The following RABL2B variants were observed in gnomAD, a reference collection of about 807,000 sequenced individuals.
RABL2B encodes the protein RAB, member of RAS oncogene family like 2B.
Under a neutral mutation model 26.7 loss-of-function variants are expected in RABL2B, and 17 were observed. That is an observed-to-expected ratio of 0.64 (90% CI 0.44 to 0.95). The LOEUF (loss-of-function observed/expected upper bound fraction) is 0.95, where lower values mean the gene tolerates loss of function less well. RABL2B is among the 40% of genes least tolerant of loss of function. The pLI, the probability that RABL2B is intolerant of heterozygous loss-of-function variation, is 0.00. For synonymous variants in RABL2B, 70 were observed against 103.9 expected (o/e 0.67, Z 1.99); for missense variants, 170 against 277.2 (o/e 0.61, Z 2.75).
chr22:50,775,996 C>G (rs1177003442), intron 4 of RABL2B, 145 bp from the exon 5 acceptor site: 18 of 909,578 alleles, frequency 2.0e-5, no homozygotes, highest in Non-Finnish European at 3.2e-5. Flanking sequence ...TACAGCCCCA[C>G]ACGTGTGTCT....
intron 5 of RABL2B, chr22:50,772,605 G>A: frequency 9.9e-7 from 1 of 1,008,182 alleles, no homozygotes; most frequent in Non-Finnish European, 1.2e-6. Context: ...TCAGGGCTAG[G>A]GGCTCGCCCT....
chr22:50,776,719 C>T lies in RABL2B; in HGVS notation c.168G>A (p.Leu56=), dbSNP rs1198973205. The change falls in exon 4 of 9, where the codon CTG becomes CTA. Residue 56 remains leucine, a synonymous_variant. Transcript: ENST00000691320. ...CCGTGGCTGTGTGCTTGTACAGGGT[C>T]AGGGCGTACGTGGACAGCTGCTGTG... ...FQPQQLSTYA[L]TLYKHTATVD... is the part of the protein sequence containing the mutation. 3.7e-6 allele frequency: 6 copies of T among 1,611,464 alleles called. No homozygotes were observed. The highest frequency in any genetic ancestry group is 1.6e-4 in the Middle Eastern group (1 of 6,076).
chr22:50,780,767 G>A (rs1555928171), intron 2 of RABL2B: 1 of 470,342 alleles, frequency 2.1e-6, no homozygotes. Flanking sequence ...TTAACTACTT[G>A]GATTCTTATT....
chr22:50,774,175 G>A lies in RABL2B; in HGVS notation c.297+1597C>T, dbSNP rs555213822. 4.6e-5 allele frequency among the ~76,000 whole-genome samples: 7 copies of A among 152,278 alleles called. No homozygotes were observed. In the East Asian group the frequency reaches 1.4e-3, roughly 29 times the overall value. On this transcript the variant is annotated intron_variant, in intron 5 of 8. Coordinates refer to ENST00000691320, the MANE Select transcript of RABL2B (RefSeq NM_001130919.3). ...CTCCCAAAGTGCTGGGATTACAGGCGTGAGCCACCGCGCCCGGCCCGTGGC... is the reference window on the plus strand; with the variant it reads ...CTCCCAAAGTGCTGGGATTACAGGCATGAGCCACCGCGCCCGGCCCGTGGC...
intron 5 of RABL2B, chr22:50,772,914 T>C: frequency 8.3e-7 from 1 of 1,204,642 alleles, no homozygotes; most frequent in Non-Finnish European, 1.1e-6. Flanking sequence ...GGTCGAGCCC[T>C]GGTTCCGTCT....
At chr22:50,777,845 A>G (rs2085220146) in intron 3 of RABL2B, 107 bp downstream of exon 3, 1 of 1,576,442 alleles carries the variant, frequency 6.3e-7, no homozygotes, top group African/African-American at 1.4e-5. Context: ...CACTTACCCA[A>G]TCCTCCTTCC....
Position 50,769,549 on chromosome 22 carries a change from T to C in RABL2B, c.413A>G (p.Asp138Gly). The C allele has an allele frequency of 6.2e-7, 1 of 1,611,460 alleles. No homozygotes were observed. Among genetic ancestry groups the C allele is most frequent in the Admixed American group, 1.7e-5 (1 of 59,908 alleles). The change falls in exon 7 of 9, where the codon GAC becomes GGC. Residue 138 changes from aspartate to glycine, a missense_variant. Physicochemically the swap from Asp to Gly is moderately conservative, Grantham distance 94 (BLOSUM62 -1). Around this residue, in one of 2 missense-constraint regions of RABL2B, gnomAD observed 165 missense variants for 232.0 expected, o/e 0.71. Transcript: ENST00000691320. Reference sequence around the variant, plus strand: ...GAAGCTTTTTTGGGTCACGTTTATGTCTGCTGTAGAGAGAAGGTAGGACAT... The same window carrying C: ...GAAGCTTTTTTGGGTCACGTTTATGCCTGCTGTAGAGAGAAGGTAGGACAT... The part of the protein sequence containing the change: ...CIVVANKIDA[D>G]INVTQKSFNF...
At chr22:50,778,029 C>G (rs566640457) in intron 2 of RABL2B, 48 bp from the exon 3 acceptor site, 2 of 1,614,068 alleles carry the variant, frequency 1.2e-6, no homozygotes, top group Non-Finnish European at 1.7e-6. Flanking sequence ...CCATCTCTCC[C>G]TCGTCCCAGA....
chr22:50,768,468 C>T lies in RABL2B; in HGVS notation c.*308G>A. 1 of 479,432 alleles carries T rather than the reference C, an allele frequency of 2.1e-6. No individual in the cohort carries two copies. The highest frequency in any genetic ancestry group is 6.1e-4 in the Middle Eastern group (1 of 1,634). 29.7% of individuals were successfully genotyped at this position (479,432 alleles called of 1,614,324 possible). A position where few individuals can be genotyped will look rare whatever the true frequency, so the allele number is the denominator to read the frequency against. ...ACCTAAATTTCCTGTATTAAAGTGA[C>T]ACATAATCATGTTTTCTGATTCTCT... is the stretch of plus-strand genomic sequence containing the variant. On this transcript the variant is annotated 3_prime_UTR_variant, in exon 9 of 9. Coordinates refer to ENST00000691320, the MANE Select transcript of RABL2B (RefSeq NM_001130919.3).
At chr22:50,774,089 G>T (rs1280061910) in intron 5 of RABL2B, among the ~76,000 whole-genome samples, 2 of 152,124 alleles carry the variant, frequency 1.3e-5, no homozygotes, top group East Asian at 3.9e-4. Context: ...TAGAGACGGG[G>T]TTTCACCGTG....
chr22:50,780,710 T>C (rs535143099), intron 2 of RABL2B: 11 of 470,908 alleles, frequency 2.3e-5, no homozygotes, highest in South Asian at 1.7e-4. Flanking sequence ...TGTTTTCTAA[T>C]TGTTGTGTCT....
At chr22:50,775,943 A>T (rs781872022) in intron 4 of RABL2B, 92 bp from the exon 5 acceptor site, 3 of 1,389,970 alleles carry the variant, frequency 2.2e-6, no homozygotes, top group African/African-American at 2.9e-5. Flanking sequence ...ACCACAGCAC[A>T]TGTGTGAGTG....
chr22:50,775,705 G>C lies in RABL2B; in HGVS notation c.297+67C>G. 3 of 1,549,794 alleles carry C rather than the reference G, an allele frequency of 1.9e-6. No homozygotes were observed. The South Asian group carries it at 3.4e-5, about 17-fold the overall frequency. On this transcript the variant is annotated intron_variant, in intron 5 of 8. Coordinates refer to ENST00000691320, the MANE Select transcript of RABL2B (RefSeq NM_001130919.3). ...GACTTGGTTACAAGGGCCCAGGGCT[G>C]CTAGGCCCCTCACCCCTCAGGCCAG...
At chr22:50,778,455 C>A (rs183314795) in intron 2 of RABL2B, among the ~76,000 whole-genome samples, 4 of 151,802 alleles carry the variant, frequency 2.6e-5, no homozygotes, top group African/African-American at 9.7e-5. Flanking sequence ...TGGCGACACA[C>A]GCCTGTGATC....
intron 5 of RABL2B, chr22:50,772,915 G>C: frequency 8.3e-7 from 1 of 1,205,326 alleles, no homozygotes; most frequent in Non-Finnish European, 1.1e-6. Context: ...GTCGAGCCCT[G>C]GTTCCGTCTC....
In RABL2B at chr22:50,769,550, C is replaced by G; in HGVS notation, c.412G>C (p.Asp138His). ...AAGCTTTTTTGGGTCACGTTTATGT[C>G]TGCTGTAGAGAGAAGGTAGGACATT... ...CIVVANKIDA[D>H]INVTQKSFNF... The change falls in exon 7 of 9, where the codon GAC (aspartate) becomes CAC (histidine). Residue 138 changes from aspartate to histidine, a missense_variant and splice_region_variant. Transcript: ENST00000691320. The G allele has an allele frequency of 6.2e-7, 1 of 1,611,358 alleles. No homozygotes were observed. The highest frequency in any genetic ancestry group is 8.5e-7 in the Non-Finnish European group (1 of 1,179,726).
In RABL2B at chr22:50,783,407, C is replaced by G. The variant is rs4330207; in HGVS notation, c.-54+94G>C. On this transcript the variant is annotated intron_variant, in intron 1 of 8. Coordinates refer to ENST00000691320, the MANE Select transcript of RABL2B (RefSeq NM_001130919.3). ...CGAAGCCACCTTTCCGTGCTTCCCC[C>G]GACCCGGACGCCCTCTCGCCCACAC... 181 of 152,474 alleles carry G rather than the reference C, an allele frequency of 1.2e-3. 4 individuals are homozygous for G. In the East Asian group the frequency reaches 0.031, roughly 26 times the overall value. The allele number at this position is 152,474 out of a possible 1,614,324, so 9.4% of individuals were successfully genotyped here. A position where few individuals can be genotyped will look rare whatever the true frequency, so the allele number is the denominator to read the frequency against.
intron 2 of RABL2B, 141 bp from the exon 3 acceptor site, chr22:50,778,122 G>C (rs2085273567): frequency 2.7e-5 from 33 of 1,213,472 alleles, no homozygotes; most frequent in Non-Finnish European, 4.0e-5. Flanking sequence ...CAGCTTCCGG[G>C]TCAAGTCTGG....
At chr22:50,780,187 T>C (rs9616976) in intron 2 of RABL2B, among the ~76,000 whole-genome samples, 1 of 147,758 alleles carries the variant, frequency 6.8e-6, no homozygotes, top group South Asian at 2.1e-4. Flanking sequence ...ATCAGAGCCC[T>C]CCAACAGAGC....
Sources: allele counts gnomAD v4.1 joint callset (sites outside exome capture counted in the v4.1 genomes callset), GRCh38; gene constraint gnomAD v4.1.1; regional missense constraint gnomAD v4.1.1; transcripts MANE v1.5; gene names NCBI Gene and HGNC (gene_info 2026-07-23, HGNC 2026-07-21).